The following MTX3 variants were observed in gnomAD, a reference collection of about 807,000 sequenced individuals.
MTX3 encodes metaxin 3, also known as metaxin-3.
MTX3 carries 27 observed loss-of-function variants against 42.5 expected under a neutral mutation model. The observed-to-expected ratio is 0.64, with a 90% confidence interval of 0.47 to 0.88. The LOEUF is 0.88. Ranked by LOEUF, MTX3 falls within the 40% of genes least tolerant of loss-of-function variation. The pLI is 0.00. For synonymous variants in MTX3, 144 were observed against 132.9 expected (o/e 1.08, Z -0.57); for missense variants, 378 against 367.0 (o/e 1.03, Z -0.25).
In MTX3 at chr5:79,977,351, T is replaced by G. The variant is rs1308868929; in HGVS notation, c.*6333A>C. On this transcript the variant is annotated 3_prime_UTR_variant, in exon 9 of 9. Coordinates refer to ENST00000512528, the MANE Select transcript of MTX3 (RefSeq NM_001363818.2). Reference sequence around the variant, plus strand: ...GAGGGCTGATGCAAACTCTGGCAAGTTATTTTTCATGATTTCCAAGGATCT... The same window carrying G: ...GAGGGCTGATGCAAACTCTGGCAAGGTATTTTTCATGATTTCCAAGGATCT... The G allele has an allele frequency of 6.6e-6, 1 of 152,230 alleles. No homozygotes were observed. The highest frequency in any genetic ancestry group is 1.5e-5 in the Non-Finnish European group (1 of 68,052). 9.4% of individuals were successfully genotyped at this position (152,230 alleles called of 1,614,324 possible).
chr5:79,983,483 C>G lies in MTX3; in HGVS notation c.*201G>C. ...CCCCCAACCAAGTTCATTTAGCATT[C>G]TCTTTGTTATTAAAAATGCAGTGCC... On this transcript the variant is annotated 3_prime_UTR_variant, in exon 9 of 9. Coordinates refer to ENST00000512528, the MANE Select transcript of MTX3 (RefSeq NM_001363818.2). 2.5e-6 allele frequency: 1 copy of G among 398,690 alleles called. No homozygotes were observed. Among genetic ancestry groups the G allele is most frequent in the Non-Finnish European group, 4.4e-6 (1 of 226,888 alleles). The allele number at this position is 398,690 out of a possible 1,614,324, so 24.7% of individuals were successfully genotyped here.
chr5:79,978,303 A>G lies in MTX3; in HGVS notation c.*5381T>C, dbSNP rs1211857682. On this transcript the variant is annotated 3_prime_UTR_variant, in exon 9 of 9. Transcript: ENST00000512528. The stretch of plus-strand genomic sequence containing the variant: ...CCACAAGATACCTACTTTTAAAAAA[A>G]TCTGGCCGGGGACAGTGGCTCATAC... 1 of 152,240 alleles carries G rather than the reference A, an allele frequency of 6.6e-6. No individual in the cohort carries two copies. The highest frequency in any genetic ancestry group is 1.5e-5 in the Non-Finnish European group (1 of 68,060). The allele number at this position is 152,240 out of a possible 1,614,324, so 9.4% of individuals were successfully genotyped here.
chr5:79,990,408 C>T (rs1383684493), intron 2 of MTX3, among the ~76,000 whole-genome samples, 172 bp from the exon 3 acceptor site: 1 of 152,176 alleles, frequency 6.6e-6, no homozygotes, highest in African/African-American at 2.4e-5. Context: ...TTTCGTTTCT[C>T]ATAATTTCCA....
In MTX3 at chr5:79,977,477, T is replaced by C. The variant is rs188089290; in HGVS notation, c.*6207A>G. 6.6e-6 allele frequency: 1 copy of C among 152,250 alleles called. No individual in the cohort carries two copies. The highest frequency in any genetic ancestry group is 6.5e-5 in the Admixed American group (1 of 15,292). The allele number at this position is 152,250 out of a possible 1,614,324, so 9.4% of individuals were successfully genotyped here. On this transcript the variant is annotated 3_prime_UTR_variant, in exon 9 of 9. Coordinates refer to ENST00000512528, the MANE Select transcript of MTX3 (RefSeq NM_001363818.2). Reference sequence around the variant, plus strand: ...TCCAACGGCCTTTCACGTGGCTACATGTTCACCATTACACCACAACTCAAA... The same window carrying C: ...TCCAACGGCCTTTCACGTGGCTACACGTTCACCATTACACCACAACTCAAA...
rs957728425 is a variant in MTX3, at chr5:79,981,200, G to C, written c.*2484C>G. The C allele has an allele frequency of 4.6e-5, 7 of 151,772 alleles. No homozygotes were observed. Among genetic ancestry groups the C allele is most frequent in the Admixed American group, 3.9e-4 (6 of 15,228 alleles). The allele number at this position is 151,772 out of a possible 1,614,324, so 9.4% of individuals were successfully genotyped here. ...AAAAAAAAAAAAAGTTCTTTTCTAA[G>C]AGCTTCCTGTATGTGTGGCTGCTCC... On this transcript the variant is annotated 3_prime_UTR_variant, in exon 9 of 9. Transcript: ENST00000512528.
chr5:79,986,173 T>C (rs1479175014), intron 7 of MTX3, among the ~76,000 whole-genome samples: 1 of 152,142 alleles, frequency 6.6e-6, no homozygotes, highest in African/African-American at 2.4e-5. Flanking sequence ...GACCCAAGAT[T>C]TTTTATCTGT....
rs1222705818 is a variant in MTX3, at chr5:79,982,401, T to C, written c.*1283A>G. Reference sequence around the variant, plus strand: ...CTACAAAGCTCATTTTCTTAACATATGGGTTCCTGCACGACTTGATAAGAT... The same window carrying C: ...CTACAAAGCTCATTTTCTTAACATACGGGTTCCTGCACGACTTGATAAGAT... On this transcript the variant is annotated 3_prime_UTR_variant, in exon 9 of 9. Transcript: ENST00000512528. The C allele has an allele frequency of 4.4e-6, 2 of 456,522 alleles. No homozygotes were observed. Among genetic ancestry groups the C allele is most frequent in the Non-Finnish European group, 4.4e-6 (1 of 226,928 alleles). The allele number at this position is 456,522 out of a possible 1,614,324, so 28.3% of individuals were successfully genotyped here.
rs1156243041 is a variant in MTX3 at position 79,981,576 on chromosome 5, C to T, written c.*2108G>A. ...ATCAGAAGAACATGAGCTCCACGTT[C>T]CTGTAAAACTTTAAACACATTTTTC... On this transcript the variant is annotated 3_prime_UTR_variant, in exon 9 of 9. Coordinates refer to ENST00000512528, the MANE Select transcript of MTX3 (RefSeq NM_001363818.2). 6.6e-6 allele frequency: 1 copy of T among 152,082 alleles called. No individual in the cohort carries two copies. The highest frequency in any genetic ancestry group is 1.5e-5 in the Non-Finnish European group (1 of 68,016). 9.4% of individuals were successfully genotyped at this position (152,082 alleles called of 1,614,324 possible). A position where few individuals can be genotyped will look rare whatever the true frequency, so the allele number is the denominator to read the frequency against.
rs529301668 is a variant in MTX3 at position 79,982,719 on chromosome 5, A to T, written c.*965T>A. 7 of 218,228 alleles carry T rather than the reference A, an allele frequency of 3.2e-5. No individual in the cohort carries two copies. Among genetic ancestry groups the T allele is most frequent in the African/African-American group, 1.6e-4 (7 of 43,076 alleles). The allele number at this position is 218,228 out of a possible 1,614,324, so 13.5% of individuals were successfully genotyped here. ...GAAAGCTTTTGACTACATGATATGCATCTTATGAAAGAATATGCATCTTAT... is the reference window on the plus strand; with the variant it reads ...GAAAGCTTTTGACTACATGATATGCTTCTTATGAAAGAATATGCATCTTAT... On this transcript the variant is annotated 3_prime_UTR_variant, in exon 9 of 9. Transcript: ENST00000512528.
At position 79,979,127 on chromosome 5, in the gene MTX3, G is replaced by C. The variant is rs908313114; in HGVS notation, c.*4557C>G. 7.2e-5 allele frequency: 11 copies of C among 152,674 alleles called. No homozygotes were observed. In the East Asian group the frequency reaches 2.1e-3, roughly 29 times the overall value. The allele number at this position is 152,674 out of a possible 1,614,324, so 9.5% of individuals were successfully genotyped here. ...TCAATCACAATTTAAGTCCAGGGCAGGTATCCTGGGCTCCTAGCAAACACT... is the reference window on the plus strand; with the variant it reads ...TCAATCACAATTTAAGTCCAGGGCACGTATCCTGGGCTCCTAGCAAACACT... On this transcript the variant is annotated 3_prime_UTR_variant, in exon 9 of 9. Coordinates refer to ENST00000512528, the MANE Select transcript of MTX3 (RefSeq NM_001363818.2).
Position 79,979,482 on chromosome 5 carries a change from TCA to T in MTX3, c.*4200_*4201del, listed in dbSNP as rs1013103336. ...CAAATTATCTCTGTTGCTCAGGATT[TCA>T]GTTATAAAAATAGCCAAATCAAGAC... On this transcript the variant is annotated 3_prime_UTR_variant, in exon 9 of 9. Coordinates refer to ENST00000512528, the MANE Select transcript of MTX3 (RefSeq NM_001363818.2). 2 of 152,228 alleles carry T rather than the reference TCA, an allele frequency of 1.3e-5. No individual in the cohort carries two copies. The highest frequency in any genetic ancestry group is 2.9e-5 in the Non-Finnish European group (2 of 68,042). The allele number at this position is 152,228 out of a possible 1,614,324, so 9.4% of individuals were successfully genotyped here. A position where few individuals can be genotyped will look rare whatever the true frequency, so the allele number is the denominator to read the frequency against.
rs1561279062 is a variant in MTX3, at chr5:79,979,617, T to C, written c.*4067A>G. ...GAACAAGTACAAGGCACGGGAGAAC[T>C]ACCATGTCAAGGGACAGAGCTTTTT... On this transcript the variant is annotated 3_prime_UTR_variant, in exon 9 of 9. Coordinates refer to ENST00000512528, the MANE Select transcript of MTX3 (RefSeq NM_001363818.2). The C allele has an allele frequency of 6.6e-6, 1 of 152,218 alleles. No individual in the cohort carries two copies. The allele number at this position is 152,218 out of a possible 1,614,324, so 9.4% of individuals were successfully genotyped here.
In MTX3 at chr5:79,990,184, T is replaced by G. The variant is rs1350080262; in HGVS notation, c.204A>C (p.Lys68Asn). ...CCTGTTTTCTTAAAAAGTTTAGTAT[T>G]TTTGCTGGCTGAGAAACCATGTCGT... ...TEDDMVSQPA[K>N]ILNFLRKQKY... The change falls in exon 3 of 9, where the codon AAA (lysine) becomes AAC (asparagine). Residue 68 changes from lysine (K) to asparagine (N), a missense_variant. Lys to Asn is a moderately conservative substitution (Grantham distance 94). Coordinates refer to ENST00000512528, the MANE Select transcript of MTX3 (RefSeq NM_001363818.2). 6.2e-7 allele frequency: 1 copy of G among 1,610,108 alleles called. No individual in the cohort carries two copies. Among genetic ancestry groups the G allele is most frequent in the South Asian group, 1.1e-5 (1 of 90,054 alleles).
rs375624488 is a variant in MTX3 at position 79,989,167 on chromosome 5, C to A, written c.306G>T (p.Lys102Asn). 3 of 1,605,328 alleles carry A rather than the reference C, an allele frequency of 1.9e-6. No homozygotes were observed. The highest frequency in any genetic ancestry group is 2.2e-5 in the South Asian group (2 of 88,942). The change falls in exon 4 of 9, where the codon AAG (lysine) becomes AAT (asparagine). Residue 102 changes from lysine to asparagine, a missense_variant. By Grantham distance (94) the Lys-to-Asn change is moderately conservative (BLOSUM62 0). Coordinates refer to ENST00000512528, the MANE Select transcript of MTX3 (RefSeq NM_001363818.2). ...TLAYIALLEE[K>N]LLPAVLHTFW... ...GAACACTCACCACTGCAGGGAGAAG[C>A]TTCTCTTCGAGGAGAGCAATATAAG...
intron 3 of MTX3, 44 bp downstream of exon 3, chr5:79,990,116 G>T (rs1230251399): frequency 8.0e-7 from 1 of 1,255,212 alleles, no homozygotes; most frequent in Non-Finnish European, 1.1e-6. Context: ...AACATGCAGG[G>T]ATCAACAATC....
chr5:79,991,258 A>G lies in MTX3; in HGVS notation c.-20T>C. On this transcript the variant is annotated 5_prime_UTR_variant, in exon 1 of 9. Transcript: ENST00000512528. ...CGCCATCTTGCGCGGGCCGACCTTT[A>G]CTATCCCGGAAGTACTTTTCCTCCT... is the stretch of plus-strand genomic sequence containing the variant. The G allele has an allele frequency of 3.5e-6, 5 of 1,442,512 alleles. No homozygotes were observed. The highest frequency in any genetic ancestry group is 4.6e-6 in the Non-Finnish European group (5 of 1,094,792). The allele number at this position is 1,442,512 out of a possible 1,614,324, so 89.4% of individuals were successfully genotyped here.
chr5:79,987,503 T>G (rs1831524664), intron 6 of MTX3, among the ~76,000 whole-genome samples: 1 of 151,612 alleles, frequency 6.6e-6, no homozygotes, highest in Non-Finnish European at 1.5e-5. Flanking sequence ...AAATACTAAC[T>G]TGGGATGGTG....
chr5:79,989,016 CAGTAATATGAAGGA>C, intron 4 of MTX3, 122 bp downstream of exon 4: 1 of 590,006 alleles, frequency 1.7e-6, no homozygotes. Context: ...TCCAGTTTCA[CAGTAATATGAAGGA>C]ATTAAGATTA....
Position 79,989,176 on chromosome 5 carries a change from G to T in MTX3, c.297C>A (p.Leu99=). The change falls in exon 4 of 9, where the codon CTC becomes CTA. Residue 99 remains leucine, a synonymous_variant. Coordinates refer to ENST00000512528, the MANE Select transcript of MTX3 (RefSeq NM_001363818.2). The part of the protein sequence containing the change: ...GADTLAYIAL[L]EEKLLPAVLH... ...CCACTGCAGGGAGAAGCTTCTCTTC[G>T]AGGAGAGCAATATAAGCCAATGTAT... 6.2e-7 allele frequency: 1 copy of T among 1,607,448 alleles called. No individual in the cohort carries two copies. The highest frequency in any genetic ancestry group is 8.5e-7 in the Non-Finnish European group (1 of 1,176,756).
Sources: allele counts gnomAD v4.1 joint callset (sites outside exome capture counted in the v4.1 genomes callset), GRCh38; gene constraint gnomAD v4.1.1; transcripts MANE v1.5; gene names NCBI Gene and HGNC (gene_info 2026-07-23, HGNC 2026-07-21).